The following SAMD5 variants were observed in gnomAD, a reference collection of about 807,000 sequenced individuals.
SAMD5 encodes sterile alpha motif domain containing 5, also known as sterile alpha motif domain-containing protein 5.
In SAMD5, 13 loss-of-function variants were observed where a neutral mutation model predicts 11.3. The observed-to-expected ratio is 1.15, with a 90% confidence interval of 0.75 to 1.83. The LOEUF is 1.83. Among genes scored for constraint, SAMD5 ranks in the 40% most tolerant of loss-of-function variants. The pLI, the probability that SAMD5 is intolerant of heterozygous loss-of-function variation, is 0.00. For synonymous variants in SAMD5, 129 were observed against 111.3 expected, an observed-to-expected ratio of 1.16 and a Z score of -1.00; for missense variants, 255 against 239.1, an observed-to-expected ratio of 1.07 and a Z score of -0.44.
chr6:147,613,880 A>C (rs9403864), intron 1 of SAMD5, among the ~76,000 whole-genome samples: 1 of 151,614 alleles, frequency 6.6e-6, no homozygotes, highest in African/African-American at 2.4e-5. Context: ...TCCCAGCTGC[A>C]TTCATCCACC....
chr6:147,520,576 T>A (rs184486182), intron 1 of SAMD5, among the ~76,000 whole-genome samples: 2 of 152,326 alleles, frequency 1.3e-5, no homozygotes, highest in African/African-American at 2.4e-5. Flanking sequence ...TATTACAATT[T>A]ATGACATTAT....
the SAMD5 span, among the ~76,000 whole-genome samples, chr6:147,850,964 T>TTTG: frequency 6.6e-6 from 1 of 150,392 alleles, no homozygotes; most frequent in Non-Finnish European, 1.5e-5. Context: ...TTTTTTTTTT[T>TTTG]GAGACAGAGT....
chr6:147,732,507 T>A (rs930099004), intron 1 of SAMD5, among the ~76,000 whole-genome samples: 1 of 152,164 alleles, frequency 6.6e-6, no homozygotes, highest in Non-Finnish European at 1.5e-5. Flanking sequence ...CTTACGTAAG[T>A]CTATGGGAAA....
At chr6:147,915,344 A>G in the SAMD5 span, among the ~76,000 whole-genome samples, 1 of 152,256 alleles carries the variant, frequency 6.6e-6, no homozygotes, top group Non-Finnish European at 1.5e-5. Context: ...AAGCAAATGA[A>G]GTCAACGTTA....
intron 1 of SAMD5, among the ~76,000 whole-genome samples, chr6:147,662,096 C>T (rs1562345937): frequency 6.6e-6 from 1 of 152,186 alleles, no homozygotes; most frequent in Non-Finnish European, 1.5e-5. Context: ...GACCCACATG[C>T]TATTTGATGG....
At position 147,509,138 on chromosome 6, in the gene SAMD5, C is replaced by T. The variant is rs1024532870; in HGVS notation, c.210C>T (p.Ala70=). ...TGCGGGAGCAGGACGCCAACGCCGCCGGCCTCTACTTCACGCTTGAGCCGC... is the reference window on the plus strand; with the variant it reads ...TGCGGGAGCAGGACGCCAACGCCGCTGGCCTCTACTTCACGCTTGAGCCGC... The part of the protein sequence containing the change: ...RRLREQDANA[A]GLYFTLEPQP... The change falls in exon 1 of 2, where the codon GCC becomes GCT. Residue 70 remains alanine (A), a synonymous_variant. Coordinates refer to ENST00000367474, the MANE Select transcript of SAMD5 (RefSeq NM_001030060.3). 2 of 1,543,452 alleles carry T rather than the reference C, an allele frequency of 1.3e-6. No homozygotes were observed. Among genetic ancestry groups the T allele is most frequent in the Non-Finnish European group, 1.7e-6 (2 of 1,147,644 alleles).
chr6:147,936,099 A>G, the SAMD5 span, among the ~76,000 whole-genome samples: 5 of 152,156 alleles, frequency 3.3e-5, no homozygotes, highest in African/African-American at 7.2e-5. Flanking sequence ...CACAGTCACG[A>G]GTAGTTTCTC....
chr6:147,556,533 T>C (rs1156316310), intron 1 of SAMD5, among the ~76,000 whole-genome samples: 3 of 152,192 alleles, frequency 2.0e-5, no homozygotes, highest in African/African-American at 7.2e-5. Flanking sequence ...TTCAAATGGC[T>C]CTTAGAACCA....
chr6:147,618,597 C>T (rs553049417), intron 1 of SAMD5, among the ~76,000 whole-genome samples: 11 of 152,298 alleles, frequency 7.2e-5, no homozygotes, highest in African/African-American at 2.6e-4. Context: ...ACTGTCACCT[C>T]TGTGTAACCG....
intron 1 of SAMD5, among the ~76,000 whole-genome samples, chr6:147,528,013 C>A (rs1323312465): frequency 6.6e-6 from 1 of 152,030 alleles, no homozygotes; most frequent in Non-Finnish European, 1.5e-5. Flanking sequence ...CACTTTTAAA[C>A]AACCAGATCT....
At chr6:147,572,518 C>G (rs1182763514), downstream of SAMD5, among the ~76,000 whole-genome samples, 1 of 152,100 alleles carries the variant, frequency 6.6e-6, no homozygotes, top group Non-Finnish European at 1.5e-5. Flanking sequence ...CCCTGTCACC[C>G]TGGCTAGAGT....
chr6:147,607,877 A>G (rs920084384), intron 1 of SAMD5, among the ~76,000 whole-genome samples: 2 of 152,236 alleles, frequency 1.3e-5, no homozygotes, highest in African/African-American at 4.8e-5. Context: ...TTATTTGCAA[A>G]CTACCCATCT....
rs548745527 is a variant in SAMD5, at chr6:147,570,021, G to A, written c.*5565G>A. 12 of 984,274 alleles carry A rather than the reference G, an allele frequency of 1.2e-5. No individual in the cohort carries two copies. The South Asian group carries it at 1.9e-4, about 15-fold the overall frequency. The allele number at this position is 984,274 out of a possible 1,614,324, so 61.0% of individuals were successfully genotyped here. A position where few individuals can be genotyped will look rare whatever the true frequency, so the allele number is the denominator to read the frequency against. Reference sequence around the variant, plus strand: ...CAATAAATGTTACGGCTTTCACAGCGGTTCCGCCTTGGCCTCTTTTGTAAT... The same window carrying A: ...CAATAAATGTTACGGCTTTCACAGCAGTTCCGCCTTGGCCTCTTTTGTAAT... On this transcript the variant is annotated 3_prime_UTR_variant, in exon 2 of 2. Transcript: ENST00000367474.
the SAMD5 span, among the ~76,000 whole-genome samples, chr6:147,746,169 A>C: frequency 1.9e-3 from 292 of 152,302 alleles, 1 homozygote; most frequent in African/African-American, 6.7e-3. Flanking sequence ...TCAGACGAAG[A>C]AGCTCACTCC....
chr6:147,824,719 A>G, the SAMD5 span, among the ~76,000 whole-genome samples: 1 of 152,226 alleles, frequency 6.6e-6, no homozygotes, highest in Non-Finnish European at 1.5e-5. Context: ...GTTCATTTAA[A>G]TCACCCCAAT....
chr6:147,560,161 A>G (rs1363884838), intron 1 of SAMD5, among the ~76,000 whole-genome samples: 1 of 152,240 alleles, frequency 6.6e-6, no homozygotes, highest in African/African-American at 2.4e-5. Context: ...GGAGATATGA[A>G]CAAATGTAAA....
At chr6:147,781,682 G>T in the SAMD5 span, among the ~76,000 whole-genome samples, 5 of 151,616 alleles carry the variant, frequency 3.3e-5, no homozygotes, top group African/African-American at 4.8e-5. Context: ...CAGAATTCAC[G>T]TTAGGATTAA....
the SAMD5 span, among the ~76,000 whole-genome samples, chr6:147,802,240 A>G: frequency 5.9e-5 from 9 of 152,154 alleles, no homozygotes; most frequent in Non-Finnish European, 1.3e-4. Context: ...TTTTTCAAAA[A>G]TAGGCAAAAT....
the SAMD5 span, among the ~76,000 whole-genome samples, chr6:147,897,078 A>G: frequency 6.6e-6 from 1 of 152,174 alleles, no homozygotes; most frequent in African/African-American, 2.4e-5. Context: ...AATGTTCTAA[A>G]ATGAAAGTAT....
Sources: allele counts gnomAD v4.1 joint callset (sites outside exome capture counted in the v4.1 genomes callset), GRCh38; gene constraint gnomAD v4.1.1; transcripts MANE v1.5; gene names NCBI Gene and HGNC (gene_info 2026-07-23, HGNC 2026-07-21).